The following ME1 variants were observed in gnomAD, a reference collection of about 807,000 sequenced individuals.
ME1 encodes the protein malic enzyme 1, also known as NADP-dependent malic enzyme.
Under a neutral mutation model 66.4 loss-of-function variants are expected in ME1, and 74 were observed. The ratio of observed to expected loss-of-function variants is 1.11; its 90% confidence interval spans 0.92 to 1.35. ME1 has a LOEUF of 1.35. ME1 is among the 40% of genes most tolerant of loss of function. The pLI is 0.00. For missense variants in ME1, 750 were observed against 694.1 expected (o/e 1.08, Z -0.90); for synonymous variants, 251 against 235.6 (o/e 1.07, Z -0.60).
chr6:83,221,916 G>A (rs903768294), intron 12 of ME1, among the ~76,000 whole-genome samples: 1 of 152,142 alleles, frequency 6.6e-6, no homozygotes, highest in Non-Finnish European at 1.5e-5. Context: ...CAGTAGAAAG[G>A]CCAAGAGATG....
chr6:83,291,078 G>A (rs1032380065), intron 6 of ME1, among the ~76,000 whole-genome samples: 5 of 152,052 alleles, frequency 3.3e-5, no homozygotes, highest in African/African-American at 1.2e-4. Flanking sequence ...CATCCAATTT[G>A]CCAGTCTGTG....
chr6:83,255,878 G>C (rs1046577725), intron 6 of ME1, among the ~76,000 whole-genome samples: 2 of 152,016 alleles, frequency 1.3e-5, no homozygotes, highest in African/African-American at 4.8e-5. Flanking sequence ...TGAGGAAACA[G>C]GCACACAGGT....
chr6:83,427,786 G>A (rs1446715853), intron 1 of ME1, among the ~76,000 whole-genome samples: 1 of 152,182 alleles, frequency 6.6e-6, no homozygotes, highest in African/African-American at 2.4e-5. Context: ...GCCGAGGCGG[G>A]CAGATCACTT....
At chr6:83,225,802 G>A (rs1790187484) in intron 11 of ME1, among the ~76,000 whole-genome samples, 1 of 113,132 alleles carries the variant, frequency 8.8e-6, no homozygotes, top group Admixed American at 9.7e-5. Flanking sequence ...AAAGAGGCCT[G>A]TAACATTATA....
intron 9 of ME1, among the ~76,000 whole-genome samples, chr6:83,230,657 C>T (rs1037123572): frequency 2.0e-5 from 3 of 152,118 alleles, no homozygotes; most frequent in Admixed American, 6.6e-5. Flanking sequence ...GTAGGCCAGG[C>T]GCAGTGGCTC....
At chr6:83,212,769 C>G (rs1789918442) in intron 13 of ME1, among the ~76,000 whole-genome samples, 1 of 152,174 alleles carries the variant, frequency 6.6e-6, no homozygotes, top group Non-Finnish European at 1.5e-5. Context: ...TTAAAACTTC[C>G]TCTTGTGGTT....
At chr6:83,305,359 A>G (rs1767805199) in intron 6 of ME1, among the ~76,000 whole-genome samples, 1 of 152,160 alleles carries the variant, frequency 6.6e-6, no homozygotes, top group South Asian at 2.1e-4. Context: ...AAGGAAAAGT[A>G]GAGCAAAACA....
chr6:83,278,780 C>G (rs973523035), intron 6 of ME1, among the ~76,000 whole-genome samples: 1 of 152,088 alleles, frequency 6.6e-6, no homozygotes, highest in Non-Finnish European at 1.5e-5. Context: ...TTTTAAAATG[C>G]CAGAGCATTC....
At chr6:83,281,355 C>T (rs148242366) in intron 6 of ME1, among the ~76,000 whole-genome samples, 3 of 152,280 alleles carry the variant, frequency 2.0e-5, no homozygotes, top group East Asian at 1.9e-4. Flanking sequence ...CTAAACCATT[C>T]GTTCTATAAA....
At chr6:83,413,375 G>A (rs1379393834) in intron 1 of ME1, among the ~76,000 whole-genome samples, 3 of 151,992 alleles carry the variant, frequency 2.0e-5, no homozygotes, top group African/African-American at 4.8e-5. Flanking sequence ...TAATATGATT[G>A]TCTTTGAATC....
intron 7 of ME1, among the ~76,000 whole-genome samples, chr6:83,248,193 G>A (rs1204875711): frequency 2.0e-5 from 3 of 152,038 alleles, no homozygotes; most frequent in East Asian, 1.9e-4. Flanking sequence ...TTTAGCATTC[G>A]TTTTCTTAAA....
rs577577120 is a variant in ME1, at chr6:83,326,505, A to G, written c.601-11092T>C. Among the ~76,000 whole-genome samples, 18 of 149,628 alleles carry G rather than the reference A, an allele frequency of 1.2e-4. No homozygotes were observed. In the South Asian group the frequency reaches 3.9e-3, roughly 32 times the overall value. On this transcript the variant is annotated intron_variant, in intron 5 of 13. Transcript: ENST00000369705. ...AATCTATCCATCTGACAATGGGCTA[A>G]TATCCAGAATCTACAAGGAACTTAA...
intron 6 of ME1, among the ~76,000 whole-genome samples, chr6:83,277,362 AC>A (rs1031414904): frequency 6.6e-6 from 1 of 152,144 alleles, no homozygotes; most frequent in Non-Finnish European, 1.5e-5. Context: ...TAGCCTCAGC[AC>A]CCCCAGTTTA....
intron 6 of ME1, among the ~76,000 whole-genome samples, chr6:83,313,852 G>C (rs1430099820): frequency 1.3e-5 from 2 of 152,134 alleles, no homozygotes; most frequent in Non-Finnish European, 2.9e-5. Context: ...GTTCTAAAAT[G>C]TAGTCCATAC....
At chr6:83,312,212 A>G (rs1320185477) in intron 6 of ME1, among the ~76,000 whole-genome samples, 1 of 152,184 alleles carries the variant, frequency 6.6e-6, no homozygotes, top group East Asian at 1.9e-4. Context: ...ATGAGCACAC[A>G]GTTGACACTG....
At chr6:83,361,729 GTCA>G (rs1344849075) in intron 3 of ME1, among the ~76,000 whole-genome samples, 1 of 152,146 alleles carries the variant, frequency 6.6e-6, no homozygotes, top group Non-Finnish European at 1.5e-5. Flanking sequence ...TTGACTATGG[GTCA>G]TCAAGTCTCC....
chr6:83,323,832 C>A (rs774171687), intron 5 of ME1, among the ~76,000 whole-genome samples: 5 of 152,224 alleles, frequency 3.3e-5, no homozygotes, highest in Non-Finnish European at 4.4e-5. Context: ...TTGGACCAAG[C>A]CTACCTAATA....
chr6:83,358,867 T>G (rs886253965), intron 3 of ME1, among the ~76,000 whole-genome samples: 3 of 146,500 alleles, frequency 2.0e-5, no homozygotes, highest in Non-Finnish European at 4.5e-5. Flanking sequence ...CAAGATAATG[T>G]TTTTTTTTTT....
At position 83,299,079 on chromosome 6, in the gene ME1, G is replaced by A. The variant is rs115434262; in HGVS notation, c.704+16231C>T. Among the ~76,000 whole-genome samples, 1,426 of 150,612 alleles carry A rather than the reference G, an allele frequency of 9.5e-3. 36 individuals are homozygous for A. The highest frequency in any genetic ancestry group is 0.033 in the African/African-American group (1,351 of 40,998). Reference sequence around the variant, plus strand: ...TTGCTTAGTATTTTCTTGGCTATTCGGGCTCTTTTTTGGTTTCACACGAAT... The same window carrying A: ...TTGCTTAGTATTTTCTTGGCTATTCAGGCTCTTTTTTGGTTTCACACGAAT... On this transcript the variant is annotated intron_variant, in intron 6 of 13. Transcript: ENST00000369705.
Sources: allele counts gnomAD v4.1 joint callset (sites outside exome capture counted in the v4.1 genomes callset), GRCh38; gene constraint gnomAD v4.1.1; transcripts MANE v1.5; gene names NCBI Gene and HGNC (gene_info 2026-07-23, HGNC 2026-07-21).